FAM227B: variants seen among roughly 807,000 people sequenced by gnomAD.
The protein encoded by FAM227B is family with sequence similarity 227 member B, also known as protein FAM227B.
A neutral mutation model predicts 73.8 loss-of-function variants in FAM227B; 88 were observed. The observed-to-expected ratio is 1.19, with a 90% confidence interval of 1.00 to 1.42. The LOEUF (loss-of-function observed/expected upper bound fraction) is 1.42, where lower values mean the gene tolerates loss of function less well. Ranked by LOEUF, FAM227B falls within the 40% of genes most tolerant of loss-of-function variation. FAM227B has a pLI of 0.00. For synonymous variants in FAM227B, 210 were observed against 190.5 expected, an observed-to-expected ratio of 1.10 and a Z score of -0.84; for missense variants, 632 against 590.9, an observed-to-expected ratio of 1.07 and a Z score of -0.72.
intron 10 of FAM227B, among the ~76,000 whole-genome samples, chr15:49,510,345 A>G (rs2058897670): frequency 6.6e-6 from 1 of 152,110 alleles, no homozygotes; most frequent in African/African-American, 2.4e-5. Context: ...GACAATTGAG[A>G]CTTTAAAAAT....
At chr15:49,526,842 C>T (rs966242460) in intron 10 of FAM227B, among the ~76,000 whole-genome samples, 1 of 151,646 alleles carries the variant, frequency 6.6e-6, no homozygotes, top group Non-Finnish European at 1.5e-5. Context: ...CATGATTGAA[C>T]CAGGAAGAAA....
intron 11 of FAM227B, among the ~76,000 whole-genome samples, chr15:49,462,229 T>G (rs924399631): frequency 2.6e-4 from 39 of 152,302 alleles, no homozygotes; most frequent in Admixed American, 2.2e-3. Flanking sequence ...TGATTATTGC[T>G]TTTTTGTACT....
intron 4 of FAM227B, among the ~76,000 whole-genome samples, chr15:49,589,185 A>C (rs2076374682): frequency 6.6e-6 from 1 of 152,158 alleles, no homozygotes; most frequent in African/African-American, 2.4e-5. Flanking sequence ...AGTGAATACC[A>C]GCTACCCCTA....
intron 11 of FAM227B, among the ~76,000 whole-genome samples, chr15:49,449,363 A>C (rs2052515902): frequency 6.6e-6 from 1 of 152,106 alleles, no homozygotes; most frequent in Non-Finnish European, 1.5e-5. Flanking sequence ...CAGTGATTTT[A>C]GTATATAAAG....
chr15:49,570,332 C>T (rs951180656), intron 8 of FAM227B, among the ~76,000 whole-genome samples: 2 of 151,788 alleles, frequency 1.3e-5, no homozygotes, highest in South Asian at 2.1e-4. Context: ...GAGATAAAAT[C>T]TCACACATCA....
intron 9 of FAM227B, among the ~76,000 whole-genome samples, chr15:49,560,454 T>C (rs2074153172): frequency 6.6e-6 from 1 of 152,148 alleles, no homozygotes; most frequent in South Asian, 2.1e-4. Flanking sequence ...AAAACGTATT[T>C]GAAAAAATAA....
intron 10 of FAM227B, among the ~76,000 whole-genome samples, chr15:49,515,287 C>G (rs1181004111): frequency 1.3e-5 from 2 of 152,120 alleles, no homozygotes; most frequent in Non-Finnish European, 1.5e-5. Flanking sequence ...TTCTTCATCT[C>G]TGTTCATGTG....
At position 49,598,240 on chromosome 15, in the gene FAM227B, T is replaced by C. The variant is rs1324808270; in HGVS notation, c.106-8233A>G. ...TTTTTTCATGTTATTGTAAAAGAGA[T>C]TGTTTTCTTGATTTCTTTAATAGTT... On this transcript the variant is annotated intron_variant, in intron 3 of 15. Transcript: ENST00000299338. Among the ~76,000 whole-genome samples the C allele has an allele frequency of 5.3e-5, 8 of 151,978 alleles. No individual in the cohort carries two copies. In the East Asian group the frequency reaches 1.5e-3, roughly 29 times the overall value.
intron 9 of FAM227B, among the ~76,000 whole-genome samples, chr15:49,561,026 T>C (rs1305142380): frequency 2.0e-5 from 3 of 152,098 alleles, no homozygotes; most frequent in Admixed American, 2.0e-4. Flanking sequence ...ATCTCACATA[T>C]CAATACTTAC....
At chr15:49,393,298 T>C (rs997483152) in intron 11 of FAM227B, among the ~76,000 whole-genome samples, 1 of 152,122 alleles carries the variant, frequency 6.6e-6, no homozygotes, top group Non-Finnish European at 1.5e-5. Context: ...GGTTCACCCA[T>C]ATCATTTCCT....
In FAM227B at chr15:49,575,089, C is replaced by A; in HGVS notation, c.567G>T (p.Trp189Cys). 6.3e-7 allele frequency: 1 copy of A among 1,595,634 alleles called. No individual in the cohort carries two copies. Among genetic ancestry groups the A allele is most frequent in the South Asian group, 1.1e-5 (1 of 88,174 alleles). Residue 189 changes from tryptophan to cysteine, a missense_variant, in exon 8 of 16, where the codon TGG (tryptophan) becomes TGT (cysteine). Physicochemically the swap from Trp to Cys is radical, Grantham distance 215 (BLOSUM62 -2). Transcript: ENST00000299338. ...HNFDERVFKIWKTHFLSEASI... is the reference protein window; with the variant it reads ...HNFDERVFKICKTHFLSEASI... ...AGGCTTCTGAGAGAAAATGAGTCTTCCAGATTTTAAAAACTCTTTCCTATG... is the reference window on the plus strand; with the variant it reads ...AGGCTTCTGAGAGAAAATGAGTCTTACAGATTTTAAAAACTCTTTCCTATG...
intron 11 of FAM227B, chr15:49,483,234 G>A: frequency 6.3e-7 from 1 of 1,575,926 alleles, no homozygotes; most frequent in African/African-American, 1.3e-5. Context: ...AATGAACAAG[G>A]AAGGAAAACT....
chr15:49,331,414 C>T (rs1446274059), intron 15 of FAM227B: 2 of 196,424 alleles, frequency 1.0e-5, no homozygotes, highest in East Asian at 2.7e-4. Flanking sequence ...TAATTGAGGG[C>T]AGGGACCATT....
intron 11 of FAM227B, among the ~76,000 whole-genome samples, chr15:49,392,902 T>C (rs1296223611): frequency 1.3e-5 from 2 of 152,104 alleles, no homozygotes; most frequent in African/African-American, 2.4e-5. Flanking sequence ...AGATTTTGAA[T>C]TGGAAGAGAG....
chr15:49,452,744 C>T (rs74012381), intron 11 of FAM227B, among the ~76,000 whole-genome samples: 3,711 of 152,118 alleles, frequency 0.024, 179 homozygotes, highest in African/African-American at 0.086. Context: ...GAGATAGTAT[C>T]TAATCTATGT....
Position 49,576,734 on chromosome 15 carries a change from T to G in FAM227B, c.546+7A>C. Reference sequence around the variant, plus strand: ...GTATCCTACAATAAAATGAAATATTTACATACATCAAAATTATGGGCTTTT... The same window carrying G: ...GTATCCTACAATAAAATGAAATATTGACATACATCAAAATTATGGGCTTTT... On this transcript the variant is annotated splice_region_variant and intron_variant, in intron 7 of 15. Coordinates refer to ENST00000299338, the MANE Select transcript of FAM227B (RefSeq NM_152647.3). 7.0e-7 allele frequency: 1 copy of G among 1,429,108 alleles called. No individual in the cohort carries two copies. The highest frequency in any genetic ancestry group is 9.9e-7 in the Non-Finnish European group (1 of 1,013,722). 88.5% of individuals were successfully genotyped at this position (1,429,108 alleles called of 1,614,324 possible). A position where few individuals can be genotyped will look rare whatever the true frequency, so the allele number is the denominator to read the frequency against.
intron 11 of FAM227B, among the ~76,000 whole-genome samples, chr15:49,455,638 T>C (rs2053214229): frequency 1.3e-5 from 2 of 151,240 alleles, no homozygotes; most frequent in South Asian, 2.1e-4. Context: ...ATTTTTAATC[T>C]AATGTCCTAT....
intron 3 of FAM227B, among the ~76,000 whole-genome samples, chr15:49,598,262 A>T (rs2076994690): frequency 6.6e-6 from 1 of 152,024 alleles, no homozygotes; most frequent in South Asian, 2.1e-4. Flanking sequence ...TTTCTTTAAT[A>T]GTTAATTGCT....
chr15:49,459,101 A>G (rs551558785), intron 11 of FAM227B, among the ~76,000 whole-genome samples: 2 of 152,330 alleles, frequency 1.3e-5, no homozygotes, highest in African/African-American at 4.8e-5. Context: ...ATTACTGAAT[A>G]TCTTCTGAGT....
Sources: gnomAD v4.1 joint callset for allele counts (sites outside exome capture counted in the v4.1 genomes callset) on GRCh38, gnomAD v4.1.1 for gene constraint, MANE v1.5 for transcripts, NCBI Gene and HGNC (gene_info 2026-07-23, HGNC 2026-07-21) for gene names.